The following SLC5A4 variants were observed in gnomAD, a reference collection of about 807,000 sequenced individuals.
SLC5A4 encodes the protein probable glucose sensor protein SLC5A4.
Under a neutral mutation model 70.3 loss-of-function variants are expected in SLC5A4, and 55 were observed. That is an observed-to-expected ratio of 0.78 (90% CI 0.63 to 0.98). SLC5A4 has a LOEUF of 0.98. Among genes scored for constraint, SLC5A4 ranks in the 50% least tolerant of loss-of-function variants. The pLI is 0.00. For missense variants in SLC5A4, 735 were observed against 839.2 expected, an observed-to-expected ratio of 0.88 and a Z score of 1.53; for synonymous variants, 268 against 305.7, an observed-to-expected ratio of 0.88 and a Z score of 1.29.
chr22:32,310,866 A>G, the SLC5A4 span, among the ~76,000 whole-genome samples: 4 of 152,196 alleles, frequency 2.6e-5, no homozygotes, highest in Non-Finnish European at 5.9e-5. Context: ...AACGCAGGGC[A>G]TTGTTTGCAC....
the SLC5A4 span, among the ~76,000 whole-genome samples, chr22:32,334,600 G>T: frequency 6.6e-6 from 1 of 152,130 alleles, no homozygotes; most frequent in Non-Finnish European, 1.5e-5. Flanking sequence ...CCCGTGCTTC[G>T]CTGGCTCCAT....
At chr22:32,220,446 G>T (rs2123858964) in intron 14 of SLC5A4, among the ~76,000 whole-genome samples, 1 of 152,298 alleles carries the variant, frequency 6.6e-6, no homozygotes, top group Non-Finnish European at 1.5e-5. Context: ...AAGGAAGTGA[G>T]ATTAGAACTT....
intron 3 of SLC5A4, 63 bp from the exon 4 acceptor site, chr22:32,248,865 C>T (rs1926983834): frequency 5.7e-6 from 6 of 1,057,592 alleles, no homozygotes; most frequent in Non-Finnish European, 8.9e-6. Flanking sequence ...GGACCTTCTC[C>T]TTCTATGACC....
chr22:32,306,775 C>T, the SLC5A4 span, among the ~76,000 whole-genome samples: 1 of 152,296 alleles, frequency 6.6e-6, no homozygotes, highest in East Asian at 1.9e-4. Flanking sequence ...CCCCCCACCT[C>T]GTTACTGCAC....
the SLC5A4 span, among the ~76,000 whole-genome samples, chr22:32,298,483 CTTTT>C: frequency 3.1e-5 from 3 of 97,698 alleles, no homozygotes; most frequent in East Asian, 8.1e-4. Context: ...CAACCCCTGC[CTTTT>C]TTTGTTTTCC....
the SLC5A4 span, among the ~76,000 whole-genome samples, chr22:32,349,195 G>A: frequency 6.6e-6 from 1 of 152,058 alleles, no homozygotes. Context: ...GGATAGTCTC[G>A]ATCTCCTGAC....
At chr22:32,347,707 G>T in the SLC5A4 span, among the ~76,000 whole-genome samples, 1 of 118,818 alleles carries the variant, frequency 8.4e-6, no homozygotes. Flanking sequence ...GACTGTTGTG[G>T]GGTGGGGGGA....
chr22:32,260,699 G>A, the SLC5A4 span, among the ~76,000 whole-genome samples: 1 of 152,138 alleles, frequency 6.6e-6, no homozygotes, highest in East Asian at 1.9e-4. Context: ...AGAGGAGTTA[G>A]ATGAAAAACC....
At chr22:32,242,659 A>G (rs1337819145) in intron 5 of SLC5A4, among the ~76,000 whole-genome samples, 1 of 152,200 alleles carries the variant, frequency 6.6e-6, no homozygotes, top group Non-Finnish European at 1.5e-5. Flanking sequence ...CAGTGAACTG[A>G]GGTCACACCA....
intron 2 of SLC5A4, among the ~76,000 whole-genome samples, chr22:32,253,737 C>G (rs1356613971): frequency 6.6e-6 from 1 of 151,758 alleles, no homozygotes; most frequent in Non-Finnish European, 1.5e-5. Flanking sequence ...GAGTAGGCAA[C>G]CAATGTACAT....
At chr22:32,322,542 C>T in the SLC5A4 span, among the ~76,000 whole-genome samples, 7 of 150,970 alleles carry the variant, frequency 4.6e-5, no homozygotes, top group South Asian at 2.1e-4. Context: ...GCCAATATTG[C>T]GCCACTGCAC....
chr22:32,295,068 T>C, the SLC5A4 span, among the ~76,000 whole-genome samples: 1 of 99,770 alleles, frequency 1.0e-5, no homozygotes, highest in Non-Finnish European at 2.1e-5. Context: ...CTATCATTGT[T>C]GGACATTTGG....
At chr22:32,349,290 A>T in the SLC5A4 span, among the ~76,000 whole-genome samples, 1 of 152,170 alleles carries the variant, frequency 6.6e-6, no homozygotes, top group East Asian at 1.9e-4. Context: ...GCCTTTTTTA[A>T]AAAATCAAAA....
At chr22:32,305,371 G>A in the SLC5A4 span, among the ~76,000 whole-genome samples, 1 of 132,456 alleles carries the variant, frequency 7.5e-6, no homozygotes, top group Non-Finnish European at 1.6e-5. Context: ...TTGCTGCCTT[G>A]TGTACCTGCT....
At chr22:32,282,609 C>T in the SLC5A4 span, among the ~76,000 whole-genome samples, 16 of 152,170 alleles carry the variant, frequency 1.1e-4, no homozygotes, top group African/African-American at 2.9e-4. Context: ...CTCCCATGTA[C>T]GCCTCCAGCC....
chr22:32,308,166 C>T, the SLC5A4 span, among the ~76,000 whole-genome samples: 2 of 152,036 alleles, frequency 1.3e-5, no homozygotes, highest in African/African-American at 2.4e-5. Context: ...CCTGGGTTCA[C>T]GTTATGTTAA....
At chr22:32,320,364 G>A in the SLC5A4 span, among the ~76,000 whole-genome samples, 1 of 152,260 alleles carries the variant, frequency 6.6e-6, no homozygotes, top group Admixed American at 6.5e-5. Flanking sequence ...CTCACGTAAC[G>A]ATTATCCTAC....
chr22:32,305,469 G>GA, the SLC5A4 span, among the ~76,000 whole-genome samples: 4 of 149,014 alleles, frequency 2.7e-5, no homozygotes, highest in Non-Finnish European at 5.9e-5. Flanking sequence ...CCTCTCTGGA[G>GA]AAAAACAGTA....
At chr22:32,325,181 C>G in the SLC5A4 span, among the ~76,000 whole-genome samples, 1 of 152,254 alleles carries the variant, frequency 6.6e-6, no homozygotes, top group African/African-American at 2.4e-5. Flanking sequence ...TCCAATAAGC[C>G]AAAACTGTGG....
Sources: gnomAD v4.1 joint callset for allele counts (sites outside exome capture counted in the v4.1 genomes callset) on GRCh38, gnomAD v4.1.1 for gene constraint, MANE v1.5 for transcripts, NCBI Gene and HGNC (gene_info 2026-07-23, HGNC 2026-07-21) for gene names.